Variants in CLINT1 observed in about 807,000 individuals in gnomAD.
The protein encoded by CLINT1 is clathrin interacting protein localized in the trans-Golgi region.
Under a neutral mutation model 70.4 loss-of-function variants are expected in CLINT1, and 15 were observed. That is an observed-to-expected ratio of 0.21 (90% CI 0.14 to 0.33). The LOEUF is 0.33. Ranked by LOEUF, CLINT1 falls within the 10% of genes least tolerant of loss-of-function variation. The pLI, the probability that CLINT1 is intolerant of heterozygous loss-of-function variation, is 1.00. For synonymous variants in CLINT1, 227 were observed against 254.7 expected, an observed-to-expected ratio of 0.89 and a Z score of 1.04; for missense variants, 615 against 778.1, an observed-to-expected ratio of 0.79 and a Z score of 2.49.
intron 8 of CLINT1, among the ~76,000 whole-genome samples, chr5:157,799,917 A>T (rs1418867954): frequency 1.3e-5 from 2 of 152,176 alleles, no homozygotes; most frequent in Non-Finnish European, 2.9e-5. Context: ...ATATCTAAAC[A>T]TAAGAAAGGT....
chr5:157,839,089 T>A (rs982563315), intron 1 of CLINT1, among the ~76,000 whole-genome samples: 1 of 151,746 alleles, frequency 6.6e-6, no homozygotes, highest in Non-Finnish European at 1.5e-5. Flanking sequence ...ATTGGCCAGA[T>A]GTGGTGGTGT....
chr5:157,813,195 G>T lies in CLINT1; in HGVS notation c.385C>A (p.Arg129=). ...TCAACCAATTCCTTCACCTTCTGTC[G>T]AATATTTATACCTTGATCCTTACCA... ...EHGKDQGINI[R]QKVKELVEFA... is the part of the protein sequence containing the mutation. The change falls in exon 5 of 12, where the codon CGA becomes AGA. Residue 129 remains arginine (R), a synonymous_variant. Coordinates refer to ENST00000411809, the MANE Select transcript of CLINT1 (RefSeq NM_014666.4). 6.2e-7 allele frequency: 1 copy of T among 1,613,218 alleles called. No individual in the cohort carries two copies. Among genetic ancestry groups the T allele is most frequent in the Non-Finnish European group, 8.5e-7 (1 of 1,179,732 alleles).
At chr5:157,848,449 G>A (rs544862629) in intron 1 of CLINT1, among the ~76,000 whole-genome samples, 1 of 152,188 alleles carries the variant, frequency 6.6e-6, no homozygotes, top group East Asian at 1.9e-4. Context: ...CTGTTGCCCA[G>A]GCTGGAGTGG....
At chr5:157,829,410 C>CA (rs1418939358) in intron 1 of CLINT1, among the ~76,000 whole-genome samples, 1 of 151,988 alleles carries the variant, frequency 6.6e-6, no homozygotes, top group Non-Finnish European at 1.5e-5. Flanking sequence ...GGTGCTATGT[C>CA]AAAAAAGGGT....
intron 8 of CLINT1, among the ~76,000 whole-genome samples, chr5:157,799,061 T>C (rs905922623): frequency 1.3e-5 from 2 of 152,082 alleles, no homozygotes; most frequent in Non-Finnish European, 2.9e-5. Context: ...TGCCACATAA[T>C]AAATGCTTAA....
At chr5:157,833,563 C>T (rs572860000) in intron 1 of CLINT1, among the ~76,000 whole-genome samples, 8 of 152,260 alleles carry the variant, frequency 5.3e-5, no homozygotes, top group African/African-American at 1.7e-4. Flanking sequence ...TCCAAGAAAC[C>T]TTCCTTAACT....
At chr5:157,813,013 C>T in intron 5 of CLINT1, 50 bp downstream of exon 5, 1 of 1,549,628 alleles carries the variant, frequency 6.5e-7, no homozygotes, top group Non-Finnish European at 8.8e-7. Context: ...TTAAAATATA[C>T]TCAAGAAGCT....
chr5:157,836,212 T>C (rs1206831544), intron 1 of CLINT1, among the ~76,000 whole-genome samples: 1 of 152,238 alleles, frequency 6.6e-6, no homozygotes, highest in African/African-American at 2.4e-5. Flanking sequence ...GGGCCAGGCA[T>C]TGTCCTAAGC....
Position 157,806,096 on chromosome 5 carries a change from T to C in CLINT1, c.712A>G (p.Lys238Glu). 1 of 1,613,956 alleles carries C rather than the reference T, an allele frequency of 6.2e-7. No individual in the cohort carries two copies. Among genetic ancestry groups the C allele is most frequent in the Non-Finnish European group, 8.5e-7 (1 of 1,179,864 alleles). Residue 238 changes from lysine to glutamate, a missense_variant, in exon 7 of 12, where the codon AAG becomes GAG. Around this residue, in one of 2 missense-constraint regions of CLINT1, gnomAD observed 241 missense variants for 368.6 expected, o/e 0.65. Transcript: ENST00000411809. ...GGAGATCTGCCTCTTCTCGCTTTCT[T>C]TTCCTCATCGCTGTCGCTAAAAGAT... ...PERCSDSDEEKKARRGRSPKG... is the reference protein window; with the variant it reads ...PERCSDSDEEEKARRGRSPKG...
chr5:157,851,556 C>G (rs750436099), intron 1 of CLINT1, among the ~76,000 whole-genome samples: 2 of 151,728 alleles, frequency 1.3e-5, no homozygotes, highest in African/African-American at 2.4e-5. Context: ...GGTGTTGTGA[C>G]ATGTGTCTGT....
intron 10 of CLINT1, chr5:157,790,547 CTT>C (rs2113123579): frequency 2.4e-6 from 1 of 411,590 alleles, no homozygotes; most frequent in African/African-American, 2.1e-5. Flanking sequence ...AGTAGACTGA[CTT>C]TATGCTTAAC....
intron 3 of CLINT1, among the ~76,000 whole-genome samples, chr5:157,815,008 C>T (rs1233266396): frequency 6.8e-6 from 1 of 146,804 alleles, no homozygotes; most frequent in Non-Finnish European, 1.5e-5. Flanking sequence ...ACTCCAGCCT[C>T]GGCGACAGAG....
At chr5:157,788,391 T>C (rs943678010) in intron 11 of CLINT1, among the ~76,000 whole-genome samples, 3 of 152,182 alleles carry the variant, frequency 2.0e-5, no homozygotes, top group African/African-American at 7.2e-5. Flanking sequence ...TGAAGATTTA[T>C]ACAAAAATCT....
Position 157,806,025 on chromosome 5 carries a change from A to G in CLINT1, c.783T>C (p.His261=), listed in dbSNP as rs375579598. 6.2e-7 allele frequency: 1 copy of G among 1,613,908 alleles called. No individual in the cohort carries two copies. ...TCTCTGTGGCCTGTGTGATATGAAT[A>G]TGCTTTGTCGTCACAGTCTCCTCTT... ...KDEEETVTTK[H]IHITQATETT... is the part of the protein sequence containing the mutation. Residue 261 remains histidine, a synonymous_variant, in exon 7 of 12, where the codon CAT becomes CAC. Coordinates refer to ENST00000411809, the MANE Select transcript of CLINT1 (RefSeq NM_014666.4).
Position 157,789,426 on chromosome 5 carries a change from G to T in CLINT1, c.1468C>A (p.Leu490Ile), listed in dbSNP as rs765718381. 9.9e-6 allele frequency: 16 copies of T among 1,613,850 alleles called. No homozygotes were observed. The highest frequency in any genetic ancestry group is 2.7e-5 in the African/African-American group (2 of 74,928). The change falls in exon 11 of 12, where the codon CTA becomes ATA. Residue 490 changes from leucine (L) to isoleucine (I), a missense_variant. Physicochemically the swap from Leu to Ile is conservative, Grantham distance 5 (BLOSUM62 2). Around this residue, in one of 2 missense-constraint regions of CLINT1, gnomAD observed 374 missense variants for 409.6 expected, o/e 0.91. Coordinates refer to ENST00000411809, the MANE Select transcript of CLINT1 (RefSeq NM_014666.4). ...GGTTTGGAAGGCTGCATACCAGGTA[G>T]TAAGTTGTCTAGGCTGATGTTTACA... ...PSVNISLDNL[L>I]PGMQPSKPQQ... is the part of the protein sequence containing the mutation.
intron 1 of CLINT1, among the ~76,000 whole-genome samples, chr5:157,829,790 C>A (rs1318361408): frequency 6.9e-6 from 1 of 145,468 alleles, no homozygotes; most frequent in Non-Finnish European, 1.5e-5. Flanking sequence ...GATCTGCCCA[C>A]CTCAGCCCTC....
intron 1 of CLINT1, among the ~76,000 whole-genome samples, chr5:157,821,066 T>A (rs1436010747): frequency 2.6e-5 from 4 of 152,140 alleles, no homozygotes; most frequent in Admixed American, 1.3e-4. Flanking sequence ...TACACTTAGT[T>A]GTTGTTTTTT....
At chr5:157,794,875 T>C (rs1581476823) in intron 9 of CLINT1, 23 bp downstream of exon 9, 3 of 1,545,740 alleles carry the variant, frequency 1.9e-6, no homozygotes, top group Non-Finnish European at 2.6e-6. Flanking sequence ...CCTAGACTTC[T>C]GGCCAATCAA....
intron 6 of CLINT1, among the ~76,000 whole-genome samples, chr5:157,807,177 T>C (rs1008776858): frequency 2.0e-5 from 3 of 152,094 alleles, no homozygotes; most frequent in African/African-American, 7.2e-5. Flanking sequence ...TAAACCAATC[T>C]GGAACTTGTA....
Sources: gnomAD v4.1 joint callset for allele counts (sites outside exome capture counted in the v4.1 genomes callset) on GRCh38, gnomAD v4.1.1 for gene constraint, gnomAD v4.1.1 regional missense constraint, MANE v1.5 for transcripts, NCBI Gene and HGNC (gene_info 2026-07-23, HGNC 2026-07-21) for gene names.